FAM174A: variants seen among roughly 807,000 people sequenced by gnomAD.
FAM174A encodes family with sequence similarity 174 member A.
In FAM174A, 14 loss-of-function variants were observed where a neutral mutation model predicts 14.3. The observed-to-expected ratio is 0.98, with a 90% CI of 0.65 to 1.53. The LOEUF is 1.53. FAM174A is among the 40% of genes most tolerant of loss of function. The pLI, the probability that FAM174A is intolerant of heterozygous loss-of-function variation, is 0.00. For missense variants in FAM174A, 241 were observed against 249.6 expected, an observed-to-expected ratio of 0.97 and a Z score of 0.23; for synonymous variants, 108 against 111.4, an observed-to-expected ratio of 0.97 and a Z score of 0.19.
chr5:100,562,173 C>T lies in FAM174A; in HGVS notation c.554C>T (p.Ala185Val). 1 of 1,576,630 alleles carries T rather than the reference C, an allele frequency of 6.3e-7. No individual in the cohort carries two copies. Among genetic ancestry groups the T allele is most frequent in the South Asian group, 1.2e-5 (1 of 85,808 alleles). ...GATGATGACAACACGTTGTTTGATG[C>T]CAATCATCCTCGAAGGTAAGTATTC... ...DEDDDNTLFD[A>V]NHPRR Residue 185 changes from alanine (A) to valine (V), a missense_variant, in exon 2 of 3, where the codon GCC becomes GTC. Coordinates refer to ENST00000312637, the MANE Select transcript of FAM174A (RefSeq NM_198507.3).
intron 2 of FAM174A, among the ~76,000 whole-genome samples, chr5:100,577,358 A>G (rs936056666): frequency 6.6e-6 from 1 of 152,102 alleles, no homozygotes; most frequent in Non-Finnish European, 1.5e-5. Flanking sequence ...TCTGCCAAAT[A>G]TGTAACTTAA....
intron 1 of FAM174A, among the ~76,000 whole-genome samples, chr5:100,559,594 G>A (rs988448387): frequency 1.3e-5 from 2 of 152,048 alleles, no homozygotes; most frequent in South Asian, 2.1e-4. Flanking sequence ...CCAATCAGAC[G>A]TAGAGTTGGT....
At chr5:100,568,504 A>G (rs1222433739) in intron 2 of FAM174A, among the ~76,000 whole-genome samples, 1 of 151,790 alleles carries the variant, frequency 6.6e-6, no homozygotes, top group Admixed American at 6.6e-5. Flanking sequence ...TGTGCTTGCT[A>G]TACACACATA....
rs1745919502 is a variant in FAM174A at position 100,535,491 on chromosome 5, C to A, written c.-40C>A. The A allele has an allele frequency of 1.2e-6, 2 of 1,602,566 alleles. No homozygotes were observed. The highest frequency in any genetic ancestry group is 1.7e-6 in the Non-Finnish European group (2 of 1,173,938). On this transcript the variant is annotated 5_prime_UTR_variant, in exon 1 of 3. Transcript: ENST00000312637. Reference sequence around the variant, plus strand: ...TCCCTCTTGGAGCCAGCGTGGCGGGCCTGGCGGCTCCCGGGTGGTGAGAGA... The same window carrying A: ...TCCCTCTTGGAGCCAGCGTGGCGGGACTGGCGGCTCCCGGGTGGTGAGAGA...
chr5:100,575,605 A>G (rs1746886699), intron 2 of FAM174A, among the ~76,000 whole-genome samples: 1 of 152,302 alleles, frequency 6.6e-6, no homozygotes, highest in East Asian at 1.9e-4. Context: ...AGGCAATACC[A>G]TTCAGGACAT....
chr5:100,584,276 G>C (rs1680911127), intron 2 of FAM174A, among the ~76,000 whole-genome samples: 2 of 152,162 alleles, frequency 1.3e-5, no homozygotes, highest in African/African-American at 4.8e-5. Flanking sequence ...AGTACTGTTA[G>C]CCTATCCTTT....
intron 1 of FAM174A, among the ~76,000 whole-genome samples, chr5:100,560,599 G>A (rs1249104442): frequency 6.6e-6 from 1 of 151,942 alleles, no homozygotes; most frequent in African/African-American, 2.4e-5. Flanking sequence ...TTACACCCAG[G>A]TGCTAATATC....
chr5:100,558,225 A>G (rs368641787), intron 1 of FAM174A, among the ~76,000 whole-genome samples: 11 of 152,176 alleles, frequency 7.2e-5, no homozygotes, highest in African/African-American at 2.2e-4. Flanking sequence ...CAGGTTGTTC[A>G]GTTTCCATGT....
chr5:100,550,195 T>C (rs1271986893), intron 1 of FAM174A, among the ~76,000 whole-genome samples: 2 of 152,182 alleles, frequency 1.3e-5, no homozygotes, highest in Admixed American at 6.6e-5. Context: ...GCCTGGATCA[T>C]GCCTAAAACA....
At chr5:100,584,008 T>C (rs1412061299) in intron 2 of FAM174A, among the ~76,000 whole-genome samples, 1 of 152,206 alleles carries the variant, frequency 6.6e-6, no homozygotes, top group Non-Finnish European at 1.5e-5. Context: ...TTCCTGGGGT[T>C]CTTTGTGGCC....
At chr5:100,545,945 T>C (rs1746156665) in intron 1 of FAM174A, among the ~76,000 whole-genome samples, 2 of 152,188 alleles carry the variant, frequency 1.3e-5, no homozygotes, top group Admixed American at 6.5e-5. Flanking sequence ...CAAAAAACCT[T>C]ATAAAATTAT....
chr5:100,536,978 A>C (rs1292007456), intron 1 of FAM174A, among the ~76,000 whole-genome samples: 13 of 152,194 alleles, frequency 8.5e-5, no homozygotes. Context: ...TATTAAAACT[A>C]TTTTCAAAAT....
chr5:100,551,326 A>G (rs1343703500), intron 1 of FAM174A, among the ~76,000 whole-genome samples: 2 of 152,130 alleles, frequency 1.3e-5, no homozygotes, highest in South Asian at 2.1e-4. Context: ...TGCCAGGACA[A>G]TAACCCCTAA....
intron 2 of FAM174A, among the ~76,000 whole-genome samples, chr5:100,579,474 G>C (rs1042577912): frequency 1.3e-5 from 2 of 151,918 alleles, no homozygotes; most frequent in Non-Finnish European, 2.9e-5. Flanking sequence ...ACCCAGGCTG[G>C]AGTGCGATGG....
At chr5:100,548,822 T>G (rs759871028) in intron 1 of FAM174A, among the ~76,000 whole-genome samples, 83 of 152,146 alleles carry the variant, frequency 5.5e-4, no homozygotes, top group Non-Finnish European at 1.1e-3. Context: ...AGAATTCAAA[T>G]TACAATTTAT....
intron 2 of FAM174A, among the ~76,000 whole-genome samples, chr5:100,578,616 C>G (rs1327918096): frequency 6.6e-6 from 1 of 152,062 alleles, no homozygotes; most frequent in African/African-American, 2.4e-5. Context: ...TGTAGTTTTG[C>G]ACTAATAAAG....
chr5:100,563,242 C>T (rs1230165497), intron 2 of FAM174A, among the ~76,000 whole-genome samples: 1 of 151,724 alleles, frequency 6.6e-6, no homozygotes, highest in Non-Finnish European at 1.5e-5. Context: ...ACAATTGCAT[C>T]TGTTCTTCAG....
chr5:100,564,605 G>A (rs113510374), intron 2 of FAM174A, among the ~76,000 whole-genome samples: 257 of 151,668 alleles, frequency 1.7e-3, no homozygotes, highest in Non-Finnish European at 2.8e-3. Context: ...AAGATTTTGC[G>A]TATAGAAAAG....
intron 2 of FAM174A, among the ~76,000 whole-genome samples, chr5:100,574,826 G>T (rs367653530): frequency 6.6e-6 from 1 of 152,166 alleles, no homozygotes; most frequent in Non-Finnish European, 1.5e-5. Flanking sequence ...GGCCTGGACA[G>T]AGTGAAGTAA....
Sources: allele counts gnomAD v4.1 joint callset (sites outside exome capture counted in the v4.1 genomes callset), GRCh38; gene constraint gnomAD v4.1.1; transcripts MANE v1.5; gene names NCBI Gene and HGNC (gene_info 2026-07-23, HGNC 2026-07-21).